PTPN2: variants seen among roughly 807,000 people sequenced by gnomAD.
PTPN2 encodes the protein tyrosine-protein phosphatase non-receptor type 2.
Under a neutral mutation model 57.3 loss-of-function variants are expected in PTPN2, and 19 were observed. The ratio of observed to expected loss-of-function variants is 0.33; its 90% CI spans 0.23 to 0.49. The LOEUF is 0.49. Ranked by LOEUF, PTPN2 falls within the 20% of genes least tolerant of loss-of-function variation. The probability of loss-of-function intolerance (pLI) is 0.99; values close to 1 mark genes in which losing one functional copy is unlikely to be tolerated. For missense variants in PTPN2, 358 were observed against 501.1 expected (o/e 0.71, Z 2.73); for synonymous variants, 153 against 164.9 (o/e 0.93, Z 0.55).
At chr18:12,876,195 T>C (rs2044481291) in intron 1 of PTPN2, among the ~76,000 whole-genome samples, 1 of 150,762 alleles carries the variant, frequency 6.6e-6, no homozygotes, top group Admixed American at 6.6e-5. Flanking sequence ...GCATGGTGGC[T>C]CATGCCTGTA....
At chr18:12,875,533 T>C (rs918709185) in intron 1 of PTPN2, among the ~76,000 whole-genome samples, 2 of 152,158 alleles carry the variant, frequency 1.3e-5, no homozygotes, top group Non-Finnish European at 2.9e-5. Context: ...GTTCAGTTTA[T>C]TAGTTGGTTT....
downstream of PTPN2, among the ~76,000 whole-genome samples, chr18:12,789,776 T>C (rs1235054202): frequency 1.3e-5 from 2 of 152,238 alleles, no homozygotes; most frequent in Non-Finnish European, 1.5e-5. Context: ...TGGCTTATAA[T>C]AGACTACATT....
At chr18:12,850,636 C>T (rs758600503) in intron 2 of PTPN2, among the ~76,000 whole-genome samples, 93 of 151,754 alleles carry the variant, frequency 6.1e-4, no homozygotes, top group Non-Finnish European at 5.0e-4. Context: ...TCTTGACCCA[C>T]GATTTAGAAA....
At chr18:12,815,772 G>A (rs983252828) in intron 6 of PTPN2, among the ~76,000 whole-genome samples, 3 of 152,106 alleles carry the variant, frequency 2.0e-5, no homozygotes, top group African/African-American at 7.2e-5. Flanking sequence ...GAGATGCAAC[G>A]TCTGAAATGT....
At position 12,859,240 on chromosome 18, in the gene PTPN2, C is replaced by A; in HGVS notation, c.84G>T (p.Glu28Asp). The A allele has an allele frequency of 1.9e-6, 3 of 1,611,174 alleles. No homozygotes were observed. The highest frequency in any genetic ancestry group is 2.5e-6 in the Non-Finnish European group (3 of 1,178,060). ...WQPLYLEIRN[E>D]SHDYPHRVAK... The stretch of plus-strand genomic sequence containing the variant: ...CCACTCTATGAGGATAGTCATGGGA[C>A]TCATTTCGAATTTCCTTAAAATAAC... Residue 28 changes from glutamate (E) to aspartate (D), a missense_variant, in exon 2 of 9, where the codon GAG (glutamate) becomes GAT (aspartate). Coordinates refer to ENST00000309660, the MANE Select transcript of PTPN2 (RefSeq NM_002828.4).
Position 12,884,207 on chromosome 18 carries a change from C to G in PTPN2, c.-66G>C. On this transcript the variant is annotated 5_prime_UTR_variant, in exon 1 of 9. Coordinates refer to ENST00000309660, the MANE Select transcript of PTPN2 (RefSeq NM_002828.4). ...CGGAGAGGCTCAGGCCCCGCACGAT[C>G]CGGGGAGAGCGCTGGCGCTGCGGCG... The G allele has an allele frequency of 3.1e-6, 4 of 1,306,962 alleles. No homozygotes were observed. The highest frequency in any genetic ancestry group is 3.1e-5 in the Admixed American group (1 of 32,692). The allele number at this position is 1,306,962 out of a possible 1,614,324, so 81.0% of individuals were successfully genotyped here.
intron 2 of PTPN2, among the ~76,000 whole-genome samples, chr18:12,844,205 G>C (rs1342682005): frequency 1.3e-5 from 2 of 152,286 alleles, no homozygotes; most frequent in South Asian, 2.1e-4. Flanking sequence ...GGGTTGTTTC[G>C]AATCTGGGGC....
intron 7 of PTPN2, among the ~76,000 whole-genome samples, chr18:12,803,562 T>A (rs1343656603): frequency 6.6e-6 from 1 of 152,178 alleles, no homozygotes. Context: ...TGATACTCCA[T>A]GCAAATTAAA....
intron 1 of PTPN2, among the ~76,000 whole-genome samples, chr18:12,876,759 A>G (rs549844640): frequency 2.6e-4 from 39 of 152,246 alleles, no homozygotes; most frequent in Non-Finnish European, 5.0e-4. Flanking sequence ...ACCTGGGAAC[A>G]CACGTACATA....
chr18:12,823,140 T>C (rs761346263), intron 5 of PTPN2, among the ~76,000 whole-genome samples: 5 of 152,128 alleles, frequency 3.3e-5, no homozygotes, highest in Non-Finnish European at 5.9e-5. Flanking sequence ...TCCCTAGTTC[T>C]AATTAAAAAT....
Position 12,794,367 on chromosome 18 carries a change from G to T in PTPN2, c.1159C>A (p.Pro387Thr). Residue 387 changes from proline (P) to threonine (T), a missense_variant, in exon 9 of 9, where the codon CCT (proline) becomes ACT (threonine). Physicochemically the swap from Pro to Thr is conservative, Grantham distance 38. Around this residue, in one of 4 missense-constraint regions of PTPN2, gnomAD observed 96 missense variants for 110.8 expected, o/e 0.87. Coordinates refer to ENST00000309660, the MANE Select transcript of PTPN2 (RefSeq NM_002828.4). ...RKRKRWLYWQ[P>T]ILTKMGFMSV... Reference sequence around the variant, plus strand: ...ATAAACCCCATCTTAGTGAGAATAGGTTGCCAATATAACCACCTTTTTCTT... The same window carrying T: ...ATAAACCCCATCTTAGTGAGAATAGTTTGCCAATATAACCACCTTTTTCTT... 6.2e-7 allele frequency: 1 copy of T among 1,614,166 alleles called. No individual in the cohort carries two copies. The highest frequency in any genetic ancestry group is 1.1e-5 in the South Asian group (1 of 91,078).
intron 1 of PTPN2, among the ~76,000 whole-genome samples, chr18:12,881,743 G>C (rs1165042860): frequency 6.6e-6 from 1 of 152,136 alleles, no homozygotes; most frequent in African/African-American, 2.4e-5. Context: ...GAACTCCCAT[G>C]TGTACCCCTT....
At chr18:12,818,045 G>A (rs1248973910) in intron 5 of PTPN2, among the ~76,000 whole-genome samples, 1 of 152,180 alleles carries the variant, frequency 6.6e-6, no homozygotes, top group Non-Finnish European at 1.5e-5. Context: ...GGGAGGCTGA[G>A]GCAGGAGAAT....
At chr18:12,878,786 G>T (rs1429382898) in intron 1 of PTPN2, among the ~76,000 whole-genome samples, 1 of 152,190 alleles carries the variant, frequency 6.6e-6, no homozygotes, top group Non-Finnish European at 1.5e-5. Context: ...GTTTAAGGTT[G>T]CAGTGAGCTA....
At position 12,801,983 on chromosome 18, in the gene PTPN2, C is replaced by T. The variant is rs764843165; in HGVS notation, c.1027G>A (p.Glu343Lys). The change falls in exon 8 of 9, where the codon GAG (glutamate) becomes AAG (lysine). Residue 343 changes from glutamate (E) to lysine (K), a missense_variant. Around this residue, in one of 4 missense-constraint regions of PTPN2, gnomAD observed 96 missense variants for 110.8 expected, o/e 0.87. Coordinates refer to ENST00000309660, the MANE Select transcript of PTPN2 (RefSeq NM_002828.4). ...TAGAAAGCTTACCTCTCACTGTTCT[C>T]CTCCATTGTATCTTGCATTTTAGAG... ...LSSKMQDTMEENSESALRKRI... is the reference protein window; with the variant it reads ...LSSKMQDTMEKNSESALRKRI... 1 of 1,604,618 alleles carries T rather than the reference C, an allele frequency of 6.2e-7. No homozygotes were observed. The highest frequency in any genetic ancestry group is 2.0e-4 in the Middle Eastern group (1 of 4,906).
intron 7 of PTPN2, among the ~76,000 whole-genome samples, chr18:12,809,919 T>C (rs1330477409): frequency 6.6e-6 from 1 of 152,194 alleles, no homozygotes; most frequent in Admixed American, 6.5e-5. Context: ...CAGTGGCTCA[T>C]GCCTGTAATC....
chr18:12,787,252 T>C (rs1283508167), downstream of PTPN2: 2 of 152,206 alleles, frequency 1.3e-5, no homozygotes, highest in East Asian at 1.9e-4. Flanking sequence ...AAATATTCCA[T>C]TAAAAACAGA....
In PTPN2 at chr18:12,794,130, C is replaced by T; in HGVS notation, c.*148G>A. 7 of 1,456,592 alleles carry T rather than the reference C, an allele frequency of 4.8e-6. No homozygotes were observed. Among genetic ancestry groups the T allele is most frequent in the Non-Finnish European group, 6.3e-6 (7 of 1,110,160 alleles). 90.2% of individuals were successfully genotyped at this position (1,456,592 alleles called of 1,614,324 possible). On this transcript the variant is annotated 3_prime_UTR_variant, in exon 9 of 9. Coordinates refer to ENST00000309660, the MANE Select transcript of PTPN2 (RefSeq NM_002828.4). ...CAGTCAAGAGTCCTGAGATGTTGGG[C>T]TTGTGACTGTAAATATCACTTATCT...
At chr18:12,858,562 TA>T (rs1299809559) in intron 2 of PTPN2, among the ~76,000 whole-genome samples, 2 of 151,690 alleles carry the variant, frequency 1.3e-5, no homozygotes, top group Non-Finnish European at 1.5e-5. Context: ...TTGTTTATAA[TA>T]AAAAAAAGTT....
Sources: allele counts gnomAD v4.1 joint callset (sites outside exome capture counted in the v4.1 genomes callset), GRCh38; gene constraint gnomAD v4.1.1; regional missense constraint gnomAD v4.1.1; transcripts MANE v1.5; gene names NCBI Gene and HGNC (gene_info 2026-07-23, HGNC 2026-07-21).